The following INTU variants were observed in gnomAD, a reference collection of about 807,000 sequenced individuals.
INTU encodes inturned planar cell polarity protein, also known as protein inturned.
A neutral mutation model predicts 100.5 loss-of-function variants in INTU; 68 were observed. The ratio of observed to expected loss-of-function variants is 0.68; its 90% CI spans 0.56 to 0.83. The LOEUF (loss-of-function observed/expected upper bound fraction) is 0.83, where lower values mean the gene tolerates loss of function less well. INTU is among the 40% of genes least tolerant of loss of function. INTU has a pLI of 0.00. For missense variants in INTU, 1,071 were observed against 1,114.7 expected (o/e 0.96, Z 0.56); for synonymous variants, 357 against 395.7 (o/e 0.90, Z 1.16).
chr4:127,668,678 G>A (rs1728797289), intron 4 of INTU, among the ~76,000 whole-genome samples: 1 of 151,692 alleles, frequency 6.6e-6, no homozygotes, highest in Non-Finnish European at 1.5e-5. Context: ...GAGAATAACT[G>A]TATAGTATTA....
At position 127,716,380 on chromosome 4, in the gene INTU, G is replaced by C. The variant is rs1731263175; in HGVS notation, c.2773G>C (p.Val925Leu). The C allele has an allele frequency of 1.9e-6, 3 of 1,591,282 alleles. No individual in the cohort carries two copies. The highest frequency in any genetic ancestry group is 2.6e-6 in the Non-Finnish European group (3 of 1,169,098). ...ACTTTATGTCTGTTTTCATGACTCA[G>C]TCACAGAAATTGCCATTGAAATAGC... is the stretch of plus-strand genomic sequence containing the variant. The part of the protein sequence containing the change: ...QELYVCFHDS[V>L]TEIAIEIAFK... Residue 925 changes from valine (V) to leucine (L), a missense_variant, in exon 16 of 16, where the codon GTC (valine) becomes CTC (leucine). By Grantham distance (32) the Val-to-Leu change is conservative. Coordinates refer to ENST00000335251, the MANE Select transcript of INTU (RefSeq NM_015693.4).
chr4:127,678,017 T>C (rs1327748775), intron 6 of INTU, among the ~76,000 whole-genome samples: 1 of 151,834 alleles, frequency 6.6e-6, no homozygotes, highest in African/African-American at 2.4e-5. Flanking sequence ...GAAGATGAAA[T>C]GAATGAAATG....
intron 11 of INTU, 69 bp downstream of exon 11, chr4:127,705,881 G>T: frequency 3.3e-6 from 4 of 1,230,454 alleles, no homozygotes; most frequent in Non-Finnish European, 4.7e-6. Context: ...TTCGGCAGGG[G>T]TTGAGGGATG....
At chr4:127,669,957 G>A (rs1455550297) in intron 5 of INTU, among the ~76,000 whole-genome samples, 1 of 151,826 alleles carries the variant, frequency 6.6e-6, no homozygotes, top group East Asian at 1.9e-4. Flanking sequence ...TAGACAAATA[G>A]GACAGATGCA....
chr4:127,696,656 G>A (rs1366016745), intron 8 of INTU, among the ~76,000 whole-genome samples: 2 of 149,606 alleles, frequency 1.3e-5, no homozygotes, highest in African/African-American at 2.5e-5. Flanking sequence ...TTTTCTCTAC[G>A]GCTTTCCTAT....
At position 127,672,954 on chromosome 4, in the gene INTU, G is replaced by A. The variant is rs1729001344; in HGVS notation, c.1092-1170G>A. On this transcript the variant is annotated intron_variant, in intron 5 of 15. Coordinates refer to ENST00000335251, the MANE Select transcript of INTU (RefSeq NM_015693.4). ...TACAATTTGAATAGTTTCCACATAG[G>A]TGTATACCCTGAAACTATCGACACA... is the stretch of plus-strand genomic sequence containing the variant. 3.3e-5 allele frequency among the ~76,000 whole-genome samples: 5 copies of A among 152,192 alleles called. No individual in the cohort carries two copies. The South Asian group carries it at 8.3e-4, about 25-fold the overall frequency.
chr4:127,640,548 T>TATAC (rs1727270437), intron 1 of INTU, among the ~76,000 whole-genome samples: 1 of 9,296 alleles, frequency 1.1e-4, no homozygotes. Flanking sequence ...GATACATATA[T>TATAC]ATATATATAT....
chr4:127,656,889 T>G (rs766113293), intron 3 of INTU, among the ~76,000 whole-genome samples, 168 bp downstream of exon 3: 2 of 152,188 alleles, frequency 1.3e-5, no homozygotes, highest in South Asian at 4.1e-4. Flanking sequence ...TATTATTAGC[T>G]TCTGGAGATT....
intron 4 of INTU, among the ~76,000 whole-genome samples, chr4:127,666,644 G>T (rs932774019): frequency 1.3e-5 from 2 of 152,100 alleles, no homozygotes; most frequent in Non-Finnish European, 2.9e-5. Context: ...AACTTGCTCT[G>T]CAGTAATGGA....
intron 8 of INTU, among the ~76,000 whole-genome samples, chr4:127,695,567 A>G (rs903729984): frequency 3.9e-5 from 6 of 152,340 alleles, no homozygotes; most frequent in Non-Finnish European, 7.3e-5. Flanking sequence ...GATGCAGCAT[A>G]CAGGGTTAAT....
Position 127,633,050 on chromosome 4 carries a change from T to C in INTU, c.16T>C (p.Ser6Pro). Residue 6 changes from serine (S) to proline (P), a missense_variant, in exon 1 of 16, where the codon TCG becomes CCG. By Grantham distance (74) the Ser-to-Pro change is moderately conservative. Transcript: ENST00000335251. MASVA[S>P]CDSRPSSDEL... is the part of the protein sequence containing the mutation. ...ATTCCTGACGATGGCCTCTGTGGCT[T>C]CGTGCGATTCGCGTCCGAGCTCAGA... 3.1e-6 allele frequency: 5 copies of C among 1,613,486 alleles called. No homozygotes were observed. The highest frequency in any genetic ancestry group is 4.2e-6 in the Non-Finnish European group (5 of 1,179,460).
At chr4:127,652,976 C>G (rs1727970922) in intron 2 of INTU, among the ~76,000 whole-genome samples, 1 of 150,404 alleles carries the variant, frequency 6.6e-6, no homozygotes, top group Non-Finnish European at 1.5e-5. Context: ...AGGAATTTAT[C>G]CATTTCTTCT....
chr4:127,688,207 A>C (rs973398558), intron 8 of INTU, among the ~76,000 whole-genome samples: 7 of 131,772 alleles, frequency 5.3e-5, no homozygotes, highest in Admixed American at 1.4e-4. Context: ...GTTTCTGTAC[A>C]AAAAAAAAAA....
In INTU at chr4:127,654,890, A is replaced by G. The variant is rs1159430182; in HGVS notation, c.683-1746A>G. Among the ~76,000 whole-genome samples, 7 of 143,742 alleles carry G rather than the reference A, an allele frequency of 4.9e-5. No individual in the cohort carries two copies. The Admixed American group carries it at 4.9e-4, about 10-fold the overall frequency. The allele number at this position is 143,742 out of a possible 152,430, so 94.3% of individuals were successfully genotyped here. Reference sequence around the variant, plus strand: ...AGACGTAGATTTGGTCTTTTCACATAGTCCCATATTTCTTGGAGGCTTTGC... The same window carrying G: ...AGACGTAGATTTGGTCTTTTCACATGGTCCCATATTTCTTGGAGGCTTTGC... On this transcript the variant is annotated intron_variant, in intron 2 of 15. Coordinates refer to ENST00000335251, the MANE Select transcript of INTU (RefSeq NM_015693.4).
At chr4:127,650,766 T>G (rs1236326994) in intron 2 of INTU, among the ~76,000 whole-genome samples, 1 of 151,760 alleles carries the variant, frequency 6.6e-6, no homozygotes, top group Non-Finnish European at 1.5e-5. Context: ...AAATGGTATT[T>G]CTAGTTCTAG....
chr4:127,726,336 G>A lies in INTU; in HGVS notation c.*9900G>A, dbSNP rs572311863. On this transcript the variant is annotated 3_prime_UTR_variant, in exon 16 of 16. Coordinates refer to ENST00000335251, the MANE Select transcript of INTU (RefSeq NM_015693.4). ...GCAAAGCTGTGAAACCAATTTACTAGGTTTTTCTGCTTTGGACATAATTGT... is the reference window on the plus strand; with the variant it reads ...GCAAAGCTGTGAAACCAATTTACTAAGTTTTTCTGCTTTGGACATAATTGT... 9.9e-5 allele frequency: 15 copies of A among 152,182 alleles called. No homozygotes were observed. Among genetic ancestry groups the A allele is most frequent in the African/African-American group, 3.1e-4 (13 of 41,532 alleles). 9.4% of individuals were successfully genotyped at this position (152,182 alleles called of 1,614,324 possible).
intron 2 of INTU, among the ~76,000 whole-genome samples, chr4:127,646,184 CAAA>C (rs71587329): frequency 2.4e-5 from 3 of 127,510 alleles, no homozygotes; most frequent in Admixed American, 1.6e-4. Context: ...GACTCTGTCT[CAAA>C]AAAAAAAAAA....
intron 8 of INTU, among the ~76,000 whole-genome samples, chr4:127,693,820 A>G (rs552979790): frequency 1.3e-5 from 2 of 152,200 alleles, no homozygotes; most frequent in South Asian, 4.1e-4. Context: ...TTCTGTGTCT[A>G]TTGAGATGAT....
chr4:127,658,987 A>C lies in INTU; in HGVS notation c.768+2266A>C, dbSNP rs567635743. On this transcript the variant is annotated intron_variant, in intron 3 of 15. Coordinates refer to ENST00000335251, the MANE Select transcript of INTU (RefSeq NM_015693.4). Reference sequence around the variant, plus strand: ...ACAGTGACAGATTATCATGCATTAGATTATCATAAGGAGTGCACAACCTAG... The same window carrying C: ...ACAGTGACAGATTATCATGCATTAGCTTATCATAAGGAGTGCACAACCTAG... Among the ~76,000 whole-genome samples, 9 of 152,106 alleles carry C rather than the reference A, an allele frequency of 5.9e-5. No individual in the cohort carries two copies. The South Asian group carries it at 1.7e-3, about 28-fold the overall frequency.
Sources: gnomAD v4.1 joint callset for allele counts (sites outside exome capture counted in the v4.1 genomes callset) on GRCh38, gnomAD v4.1.1 for gene constraint, MANE v1.5 for transcripts, NCBI Gene and HGNC (gene_info 2026-07-23, HGNC 2026-07-21) for gene names.